CORIN: variants seen among roughly 807,000 people sequenced by gnomAD.
The protein encoded by CORIN is atrial natriuretic peptide-converting enzyme.
Under a neutral mutation model 125.3 loss-of-function variants are expected in CORIN, and 117 were observed. That is an observed-to-expected ratio of 0.93 (90% CI 0.80 to 1.09). The LOEUF (loss-of-function observed/expected upper bound fraction) is 1.09, where lower values mean the gene tolerates loss of function less well. Among genes scored for constraint, CORIN ranks in the 50% least tolerant of loss-of-function variants. The pLI is 0.00. For missense variants in CORIN, 1,253 were observed against 1,306.7 expected (o/e 0.96, Z 0.63); for synonymous variants, 450 against 466.4 (o/e 0.96, Z 0.45).
chr4:47,651,094 C>T (rs1452358058), intron 13 of CORIN, among the ~76,000 whole-genome samples: 1 of 152,202 alleles, frequency 6.6e-6, no homozygotes, highest in South Asian at 2.1e-4. Context: ...TTCTCCATTA[C>T]AAAAGTGCCA....
chr4:47,689,330 C>T (rs1725664969), intron 6 of CORIN, among the ~76,000 whole-genome samples: 1 of 152,094 alleles, frequency 6.6e-6, no homozygotes, highest in Non-Finnish European at 1.5e-5. Context: ...TTCCATTGTA[C>T]TACTGAAGAA....
chr4:47,609,090 T>C (rs895449706), intron 19 of CORIN, among the ~76,000 whole-genome samples: 1 of 152,160 alleles, frequency 6.6e-6, no homozygotes, highest in Non-Finnish European at 1.5e-5. Flanking sequence ...AGAAATAGCA[T>C]AGCTAAGTGG....
chr4:47,742,740 G>T (rs1455556418), intron 5 of CORIN, among the ~76,000 whole-genome samples: 1 of 152,018 alleles, frequency 6.6e-6, no homozygotes, highest in Non-Finnish European at 1.5e-5. Flanking sequence ...AACAGCATTT[G>T]TGGAAATTAC....
chr4:47,728,148 A>G (rs567056774), intron 5 of CORIN, among the ~76,000 whole-genome samples: 1 of 152,320 alleles, frequency 6.6e-6, no homozygotes, highest in African/African-American at 2.4e-5. Flanking sequence ...GAATGAAGTC[A>G]CAATTTCAAA....
At chr4:47,799,927 G>A (rs1453653019) in intron 2 of CORIN, among the ~76,000 whole-genome samples, 1 of 152,180 alleles carries the variant, frequency 6.6e-6, no homozygotes, top group South Asian at 2.1e-4. Context: ...TAAAAGGAAT[G>A]AAGTATTAAT....
chr4:47,812,098 CA>C (rs1440662576), intron 1 of CORIN, among the ~76,000 whole-genome samples: 4 of 151,994 alleles, frequency 2.6e-5, no homozygotes, highest in African/African-American at 9.7e-5. Context: ...TATAATTGTA[CA>C]GGGGGTAAAT....
intron 13 of CORIN, among the ~76,000 whole-genome samples, chr4:47,650,374 T>C (rs139923050): frequency 1.1e-3 from 166 of 152,356 alleles, no homozygotes; most frequent in African/African-American, 3.8e-3. Context: ...TGACAGTCGA[T>C]ATAAAGCACC....
At chr4:47,682,688 G>A (rs887649580) in intron 7 of CORIN, 1 of 152,032 alleles carries the variant, frequency 6.6e-6, no homozygotes, top group Non-Finnish European at 1.5e-5. Flanking sequence ...ATTACATATT[G>A]TATACATGTA....
chr4:47,793,695 A>G (rs138375486), intron 2 of CORIN, among the ~76,000 whole-genome samples: 40 of 152,318 alleles, frequency 2.6e-4, no homozygotes, highest in African/African-American at 9.1e-4. Context: ...TCAAATACAC[A>G]TTGGTTTCCA....
chr4:47,796,190 C>T (rs1387748792), intron 2 of CORIN, among the ~76,000 whole-genome samples: 1 of 151,908 alleles, frequency 6.6e-6, no homozygotes, highest in Non-Finnish European at 1.5e-5. Context: ...TCACAATAGC[C>T]AAGACATGGA....
intron 14 of CORIN, among the ~76,000 whole-genome samples, 160 bp from the exon 15 acceptor site, chr4:47,643,416 TAAAATATCA>T (rs1421303559): frequency 6.6e-6 from 1 of 152,224 alleles, no homozygotes; most frequent in African/African-American, 2.4e-5. Context: ...ACATAATTTG[TAAAATATCA>T]TTTAATAGAC....
At chr4:47,609,757 C>T (rs1164893690) in intron 19 of CORIN, among the ~76,000 whole-genome samples, 1 of 152,188 alleles carries the variant, frequency 6.6e-6, no homozygotes, top group Non-Finnish European at 1.5e-5. Context: ...CTTCCTCACC[C>T]ACCCCTACCC....
At chr4:47,746,378 G>A (rs184302784) in intron 4 of CORIN, among the ~76,000 whole-genome samples, 1 of 152,160 alleles carries the variant, frequency 6.6e-6, no homozygotes, top group African/African-American at 2.4e-5. Flanking sequence ...AATAAGGAAA[G>A]AAGCACAGAC....
chr4:47,617,428 T>A (rs1288602402), intron 19 of CORIN, among the ~76,000 whole-genome samples: 1 of 152,128 alleles, frequency 6.6e-6, no homozygotes, highest in Non-Finnish European at 1.5e-5. Flanking sequence ...CCCAAAACAA[T>A]GGGATTGCAC....
chr4:47,649,877 T>A (rs1450698736), intron 13 of CORIN, among the ~76,000 whole-genome samples: 1 of 152,226 alleles, frequency 6.6e-6, no homozygotes, highest in Admixed American at 6.5e-5. Flanking sequence ...ACATAATGAC[T>A]CTCACTCTTC....
At chr4:47,745,294 G>A (rs889260260) in intron 4 of CORIN, among the ~76,000 whole-genome samples, 15 of 152,190 alleles carry the variant, frequency 9.9e-5, no homozygotes, top group African/African-American at 3.4e-4. Context: ...TCAAGGCCAC[G>A]GACTTGCTTC....
Position 47,643,275 on chromosome 4 carries a change from A to C in CORIN, c.1958-19T>G, listed in dbSNP as rs762359387. The stretch of plus-strand genomic sequence containing the variant: ...CAAAATGCTGGCATGGGGAACAAAA[A>C]GTGAGAAGGAAAACATTTTAGAAAT... On this transcript the variant is annotated intron_variant, in intron 14 of 21. Coordinates refer to ENST00000273857, the MANE Select transcript of CORIN (RefSeq NM_006587.4). The C allele has an allele frequency of 5.7e-6, 9 of 1,580,102 alleles. No homozygotes were observed. In the Admixed American group the frequency reaches 1.7e-4, roughly 29 times the overall value.
At chr4:47,765,649 T>C (rs1402371371) in intron 3 of CORIN, among the ~76,000 whole-genome samples, 1 of 152,230 alleles carries the variant, frequency 6.6e-6, no homozygotes, top group Non-Finnish European at 1.5e-5. Context: ...TGAGGATGTC[T>C]GCTTTCTCAG....
At chr4:47,732,978 T>C (rs2109817779) in intron 5 of CORIN, among the ~76,000 whole-genome samples, 1 of 152,316 alleles carries the variant, frequency 6.6e-6, no homozygotes, top group Non-Finnish European at 1.5e-5. Context: ...CAGGTCTGTG[T>C]CTGTGCGTCC....
Sources: allele counts gnomAD v4.1 joint callset (sites outside exome capture counted in the v4.1 genomes callset), GRCh38; gene constraint gnomAD v4.1.1; transcripts MANE v1.5; gene names NCBI Gene and HGNC (gene_info 2026-07-23, HGNC 2026-07-21).